The following RALYL variants were observed in gnomAD, a reference collection of about 807,000 sequenced individuals.
RALYL encodes RALY RNA binding protein like.
RALYL carries 29 observed loss-of-function variants against 35.1 expected under a neutral mutation model. The observed-to-expected ratio is 0.83, with a 90% CI of 0.61 to 1.13. The LOEUF (loss-of-function observed/expected upper bound fraction) is 1.13, where lower values mean the gene tolerates loss of function less well. RALYL is among the 50% of genes most tolerant of loss of function. RALYL has a pLI of 0.00. For synonymous variants in RALYL, 120 were observed against 127.6 expected (o/e 0.94, Z 0.40); for missense variants, 359 against 360.4 (o/e 1.00, Z 0.03).
intron 1 of RALYL, among the ~76,000 whole-genome samples, chr8:84,346,355 GT>G (rs1157708345): frequency 6.6e-6 from 1 of 152,094 alleles, no homozygotes; most frequent in Admixed American, 6.6e-5. Flanking sequence ...GGTATAAATG[GT>G]TACTGTTTGT....
At chr8:84,742,507 G>A (rs1807618219) in intron 2 of RALYL, among the ~76,000 whole-genome samples, 1 of 151,876 alleles carries the variant, frequency 6.6e-6, no homozygotes, top group East Asian at 1.9e-4. Flanking sequence ...CAAAAAGGAA[G>A]ATGAATATAT....
chr8:84,879,748 A>G (rs2135338276), intron 7 of RALYL, among the ~76,000 whole-genome samples: 1 of 152,186 alleles, frequency 6.6e-6, no homozygotes, highest in Admixed American at 6.6e-5. Flanking sequence ...AATATTTTAA[A>G]GAAGTTAAAT....
intron 2 of RALYL, among the ~76,000 whole-genome samples, chr8:84,628,308 A>G (rs868710784): frequency 7.9e-5 from 12 of 152,052 alleles, no homozygotes; most frequent in Middle Eastern, 6.8e-3. Context: ...TCATCTTTCA[A>G]GTTTCAGATT....
rs1849290515 is a variant in RALYL at position 84,921,368 on chromosome 8, T to C, written c.*457T>C. Reference sequence around the variant, plus strand: ...ATCTTATGCTAGTTTTTATAATTTATTTATAATTTATAGTTTAAAGTACTT... The same window carrying C: ...ATCTTATGCTAGTTTTTATAATTTACTTATAATTTATAGTTTAAAGTACTT... On this transcript the variant is annotated 3_prime_UTR_variant, in exon 9 of 9. Transcript: ENST00000521268. 1 of 152,260 alleles carries C rather than the reference T, an allele frequency of 6.6e-6. No homozygotes were observed. The highest frequency in any genetic ancestry group is 1.5e-5 in the Non-Finnish European group (1 of 68,090). 9.4% of individuals were successfully genotyped at this position (152,260 alleles called of 1,614,324 possible).
chr8:84,551,335 C>T (rs2060707038), intron 2 of RALYL, among the ~76,000 whole-genome samples: 1 of 152,028 alleles, frequency 6.6e-6, no homozygotes, highest in African/African-American at 2.4e-5. Context: ...ATAATTGTTT[C>T]TGGTTTGAAG....
intron 1 of RALYL, among the ~76,000 whole-genome samples, chr8:84,213,376 A>G (rs1170569628): frequency 6.6e-6 from 1 of 152,200 alleles, no homozygotes; most frequent in Non-Finnish European, 1.5e-5. Context: ...AGCCTGGGCA[A>G]CAGAGCAAGA....
intron 2 of RALYL, among the ~76,000 whole-genome samples, chr8:84,575,651 A>C (rs1000126904): frequency 6.6e-6 from 1 of 152,178 alleles, no homozygotes; most frequent in Non-Finnish European, 1.5e-5. Context: ...AGACATGGAC[A>C]TCCTCTGCTT....
chr8:84,626,965 G>A (rs1822870334), intron 2 of RALYL, among the ~76,000 whole-genome samples: 1 of 152,008 alleles, frequency 6.6e-6, no homozygotes, highest in South Asian at 2.1e-4. Flanking sequence ...CTATTCCAAG[G>A]AAAATGTAAA....
At chr8:84,501,827 TAATA>T (rs2056694061) in intron 1 of RALYL, among the ~76,000 whole-genome samples, 1 of 148,460 alleles carries the variant, frequency 6.7e-6, no homozygotes, top group Non-Finnish European at 1.5e-5. Context: ...AATAATATAT[TAATA>T]AATAATATAG....
At chr8:84,701,816 T>C (rs1234313436) in intron 2 of RALYL, among the ~76,000 whole-genome samples, 1 of 152,140 alleles carries the variant, frequency 6.6e-6, no homozygotes, top group Non-Finnish European at 1.5e-5. Context: ...TAGAAGGTAG[T>C]TTAGCACAAC....
At chr8:84,371,263 C>T (rs16912724) in intron 1 of RALYL, among the ~76,000 whole-genome samples, 4,506 of 152,008 alleles carry the variant, frequency 0.03, 218 homozygotes, top group African/African-American at 0.1. Context: ...TATTATTTTA[C>T]TTTTCACTAT....
At chr8:84,913,107 A>G (rs1432824798) in intron 8 of RALYL, among the ~76,000 whole-genome samples, 1 of 142,900 alleles carries the variant, frequency 7.0e-6, no homozygotes, top group African/African-American at 2.5e-5. Context: ...TACACTAAGT[A>G]ACACCACACC....
rs147350608 is a variant in RALYL at position 84,219,342 on chromosome 8, G to T, written c.-24+34918G>T. Among the ~76,000 whole-genome samples the T allele has an allele frequency of 1.1e-4, 17 of 152,086 alleles. No homozygotes were observed. In the East Asian group the frequency reaches 2.7e-3, roughly 24 times the overall value. On this transcript the variant is annotated intron_variant, in intron 1 of 8. Transcript: ENST00000521268. ...TCCTCCCTCCTTGTGAAGGTGCCTT[G>T]CTTCCCCTTCTTCTTCTGCCATGAT...
intron 1 of RALYL, among the ~76,000 whole-genome samples, chr8:84,252,725 T>G (rs1830441915): frequency 6.6e-6 from 1 of 152,134 alleles, no homozygotes; most frequent in Non-Finnish European, 1.5e-5. Context: ...CTTTTTTCAT[T>G]ATCCTCAAAG....
At chr8:84,904,803 CT>C (rs886409545) in intron 8 of RALYL, among the ~76,000 whole-genome samples, 39 of 151,530 alleles carry the variant, frequency 2.6e-4, no homozygotes, top group Admixed American at 2.0e-3. Context: ...TTTAACCACA[CT>C]TTTTTTTTAT....
intron 1 of RALYL, among the ~76,000 whole-genome samples, chr8:84,378,529 T>C (rs970698577): frequency 6.6e-6 from 1 of 151,874 alleles, no homozygotes; most frequent in Non-Finnish European, 1.5e-5. Flanking sequence ...CTGAAAACAA[T>C]AGATGTGTCT....
At chr8:84,778,807 G>C (rs1011202541) in intron 3 of RALYL, among the ~76,000 whole-genome samples, 3 of 152,142 alleles carry the variant, frequency 2.0e-5, no homozygotes, top group African/African-American at 7.2e-5. Flanking sequence ...TGAGGAGAGA[G>C]AGTCACAAAT....
intron 8 of RALYL, among the ~76,000 whole-genome samples, chr8:84,899,434 A>C (rs1287452657): frequency 6.6e-6 from 1 of 152,054 alleles, no homozygotes; most frequent in African/African-American, 2.4e-5. Context: ...AAAGAAAGAG[A>C]GAGGAAAATG....
intron 1 of RALYL, among the ~76,000 whole-genome samples, chr8:84,458,416 G>A (rs915734642): frequency 6.6e-6 from 1 of 151,640 alleles, no homozygotes; most frequent in Non-Finnish European, 1.5e-5. Context: ...AACACATAGG[G>A]TTCTATACTG....
Sources: gnomAD v4.1 joint callset for allele counts (sites outside exome capture counted in the v4.1 genomes callset) on GRCh38, gnomAD v4.1.1 for gene constraint, MANE v1.5 for transcripts, NCBI Gene and HGNC (gene_info 2026-07-23, HGNC 2026-07-21) for gene names.